The following GNA12 variants were observed in gnomAD, a reference collection of about 807,000 sequenced individuals.
GNA12 encodes the protein guanine nucleotide-binding protein subunit alpha-12.
GNA12 carries 9 observed loss-of-function variants against 26.0 expected under a neutral mutation model. That is an observed-to-expected ratio of 0.35 (90% CI 0.21 to 0.60). GNA12 has a LOEUF of 0.60. Among genes scored for constraint, GNA12 ranks in the 20% least tolerant of loss-of-function variants. The probability of loss-of-function intolerance (pLI) is 0.78; values close to 1 mark genes in which losing one functional copy is unlikely to be tolerated. For missense variants in GNA12, 405 were observed against 525.8 expected, an observed-to-expected ratio of 0.77 and a Z score of 2.25; for synonymous variants, 264 against 219.6, an observed-to-expected ratio of 1.20 and a Z score of -1.79.
At chr7:2,781,885 G>C (rs1296106973) in intron 2 of GNA12, among the ~76,000 whole-genome samples, 3 of 152,132 alleles carry the variant, frequency 2.0e-5, no homozygotes, top group African/African-American at 7.2e-5. Flanking sequence ...AAAGCTCAAA[G>C]ACTCACAGTT....
chr7:2,786,731 G>C (rs890026720), intron 2 of GNA12, among the ~76,000 whole-genome samples: 3 of 152,200 alleles, frequency 2.0e-5, no homozygotes, highest in Admixed American at 6.5e-5. Context: ...TCCGTGACCA[G>C]CACAGACCGG....
intron 2 of GNA12, among the ~76,000 whole-genome samples, chr7:2,792,089 C>T (rs1792535051): frequency 6.6e-6 from 1 of 152,190 alleles, no homozygotes; most frequent in Non-Finnish European, 1.5e-5. Context: ...CCACCTGTGG[C>T]CACCTTACCC....
rs34149533 is a variant in GNA12 at position 2,821,262 on chromosome 7, ACT to A, written c.309+22589_309+22590del. 9.2e-5 allele frequency among the ~76,000 whole-genome samples: 14 copies of A among 151,944 alleles called. No homozygotes were observed. The East Asian group carries it at 1.2e-3, about 13-fold the overall frequency. On this transcript the variant is annotated intron_variant, in intron 1 of 3. Transcript: ENST00000275364. ...CACTCCTGCTGTATCCTGAGGGGAG[ACT>A]CTCCGCCTGTTCAACACAGGGACAC...
chr7:2,768,817 G>A (rs1052162698), intron 2 of GNA12, among the ~76,000 whole-genome samples: 1 of 151,990 alleles, frequency 6.6e-6, no homozygotes, highest in South Asian at 2.1e-4. Flanking sequence ...TGTGTATATT[G>A]TATGTGGAGA....
At chr7:2,791,964 T>C (rs772752886) in intron 2 of GNA12, among the ~76,000 whole-genome samples, 166 of 152,102 alleles carry the variant, frequency 1.1e-3, no homozygotes, top group Non-Finnish European at 2.1e-3. Context: ...CATCTCTGCA[T>C]CTGATTATTA....
chr7:2,763,861 A>AG (rs1791690320), intron 2 of GNA12, among the ~76,000 whole-genome samples: 1 of 152,206 alleles, frequency 6.6e-6, no homozygotes, highest in Admixed American at 6.5e-5. Context: ...CATGGCTGGC[A>AG]GAGAGCGAGG....
intron 2 of GNA12, chr7:2,762,989 T>G: frequency 1.5e-6 from 2 of 1,317,356 alleles, no homozygotes; most frequent in Non-Finnish European, 1.9e-6. Flanking sequence ...AGCCCTTGTG[T>G]GCTACTGTGG....
chr7:2,748,240 C>T (rs1185946559), intron 2 of GNA12, among the ~76,000 whole-genome samples: 21 of 151,676 alleles, frequency 1.4e-4, no homozygotes, highest in East Asian at 1.9e-4. Flanking sequence ...GGAGGCATCA[C>T]GCTACCTGAC....
At chr7:2,811,371 A>C (rs1190659564) in intron 1 of GNA12, among the ~76,000 whole-genome samples, 1 of 152,186 alleles carries the variant, frequency 6.6e-6, no homozygotes, top group Non-Finnish European at 1.5e-5. Flanking sequence ...AAGACAAAGG[A>C]GCAACAAAGC....
intron 1 of GNA12, among the ~76,000 whole-genome samples, chr7:2,839,081 C>T (rs756223551): frequency 1.6e-4 from 25 of 152,174 alleles, no homozygotes; most frequent in Non-Finnish European, 3.2e-4. Context: ...ACGGGATGTT[C>T]ACCAACAAAA....
chr7:2,835,026 G>T (rs1048543532), intron 1 of GNA12, among the ~76,000 whole-genome samples: 2 of 152,180 alleles, frequency 1.3e-5, no homozygotes, highest in African/African-American at 4.8e-5. Flanking sequence ...CTACCTTGGG[G>T]TGGCTAAAGG....
At chr7:2,773,302 G>T (rs138850212) in intron 2 of GNA12, among the ~76,000 whole-genome samples, 1 of 152,192 alleles carries the variant, frequency 6.6e-6, no homozygotes, top group South Asian at 2.1e-4. Flanking sequence ...GGTGGCTCAC[G>T]CCTGTAATCC....
intron 2 of GNA12, among the ~76,000 whole-genome samples, chr7:2,754,955 T>A (rs563785518): frequency 9.2e-5 from 14 of 152,344 alleles, no homozygotes; most frequent in African/African-American, 2.9e-4. Flanking sequence ...CAGTTTGAAT[T>A]AATTTTGTAT....
At chr7:2,785,899 T>A (rs1792346955) in intron 2 of GNA12, among the ~76,000 whole-genome samples, 2 of 151,550 alleles carry the variant, frequency 1.3e-5, no homozygotes, top group Non-Finnish European at 2.9e-5. Flanking sequence ...ATACGAAAAA[T>A]AAAAAAATAA....
At chr7:2,824,985 G>A (rs942986735) in intron 1 of GNA12, among the ~76,000 whole-genome samples, 4 of 152,190 alleles carry the variant, frequency 2.6e-5, no homozygotes, top group Non-Finnish European at 5.9e-5. Flanking sequence ...CCCCGTGAGG[G>A]TGAGGTCTGC....
rs199650069 is a variant in GNA12, at chr7:2,731,487, G to T, written c.840C>A (p.Ile280=). 110 of 1,613,744 alleles carry T rather than the reference G, an allele frequency of 6.8e-5. No homozygotes were observed. The highest frequency in any genetic ancestry group is 1.3e-5 in the African/African-American group (1 of 74,910). The stretch of plus-strand genomic sequence containing the variant: ...CGTTGAAGAAGAGCTTGTTGTTGAC[G>T]ATGGTCTCGAAGATGTTCATGGACT... ...LVESMNIFET[I]VNNKLFFNVS... The change falls in exon 4 of 4, where the codon ATC becomes ATA. Residue 280 remains isoleucine (I), a synonymous_variant. Transcript: ENST00000275364. The surrounding 1 kb of genome is among the most constrained non-coding windows in gnomAD (Gnocchi z 6.0).
At chr7:2,789,089 G>T (rs1004435913) in intron 2 of GNA12, among the ~76,000 whole-genome samples, 1 of 150,028 alleles carries the variant, frequency 6.7e-6, no homozygotes, top group Non-Finnish European at 1.5e-5. Context: ...AAGTGCTCCC[G>T]AAGTACAGGC....
intron 1 of GNA12, among the ~76,000 whole-genome samples, chr7:2,816,809 T>G (rs2644272): frequency 0.59 from 89,631 of 152,004 alleles, 26,651 homozygotes; most frequent in Admixed American, 0.63. Context: ...CCAGGAGACA[T>G]CCATGATTAC....
chr7:2,761,552 A>C (rs1267429407), intron 2 of GNA12, among the ~76,000 whole-genome samples: 1 of 152,206 alleles, frequency 6.6e-6, no homozygotes, highest in Non-Finnish European at 1.5e-5. Flanking sequence ...GCCCTCCAGA[A>C]TTGTCACTAC....
Sources: gnomAD v4.1 joint callset for allele counts (sites outside exome capture counted in the v4.1 genomes callset) on GRCh38, gnomAD v4.1.1 for gene constraint, Gnocchi (gnomAD v3.1) non-coding constraint, MANE v1.5 for transcripts, NCBI Gene and HGNC (gene_info 2026-07-23, HGNC 2026-07-21) for gene names.